Variants in C3orf20 observed in about 807,000 individuals in gnomAD.
The protein encoded by C3orf20 is uncharacterized protein C3orf20.
C3orf20 carries 76 observed loss-of-function variants against 88.3 expected under a neutral mutation model. That is an observed-to-expected ratio of 0.86 (90% CI 0.72 to 1.04). The LOEUF is 1.04. C3orf20 is among the 50% of genes least tolerant of loss of function. The pLI is 0.00. For missense variants in C3orf20, 1,056 were observed against 1,123.3 expected (o/e 0.94, Z 0.86); for synonymous variants, 436 against 437.4 (o/e 1.00, Z 0.04).
Position 14,689,996 on chromosome 3 carries a change from G to A in C3orf20, c.626-1G>A, listed in dbSNP as rs540775293. On this transcript the variant is annotated splice_acceptor_variant, in intron 4 of 16. Transcript: ENST00000253697. LOFTEE classifies it high-confidence loss of function. ...AAGAATCTCTCTCTCTCCCACTCCA[G>A]AGTCCCTCGCAAACATGTCCGCCAT... 6.2e-7 allele frequency: 1 copy of A among 1,614,182 alleles called. No homozygotes were observed. Among genetic ancestry groups the A allele is most frequent in the East Asian group, 2.2e-5 (1 of 44,882 alleles).
chr3:14,723,938 G>T (rs938200009), intron 10 of C3orf20, among the ~76,000 whole-genome samples: 2 of 151,990 alleles, frequency 1.3e-5, no homozygotes, highest in Non-Finnish European at 1.5e-5. Context: ...TGATTCTCAT[G>T]CCTTCAGACT....
intron 15 of C3orf20, among the ~76,000 whole-genome samples, chr3:14,770,362 T>C (rs1280141641): frequency 2.6e-5 from 4 of 152,186 alleles, no homozygotes; most frequent in African/African-American, 9.7e-5. Context: ...TTCTTGGTGT[T>C]TAGTTTTTCT....
intron 12 of C3orf20, among the ~76,000 whole-genome samples, chr3:14,736,435 C>T (rs1381847008): frequency 1.3e-5 from 2 of 151,984 alleles, no homozygotes; most frequent in Admixed American, 6.6e-5. Flanking sequence ...GGATTACAAG[C>T]GTGTGCCACC....
At chr3:14,759,856 G>A in intron 13 of C3orf20, 35 bp from the exon 14 acceptor site, 1 of 1,547,628 alleles carries the variant, frequency 6.5e-7, no homozygotes, top group Non-Finnish European at 8.9e-7. Context: ...TTATTGGCAT[G>A]GGGGTGACCA....
chr3:14,724,493 A>C (rs1246248157), intron 10 of C3orf20, among the ~76,000 whole-genome samples: 4 of 152,252 alleles, frequency 2.6e-5, no homozygotes, highest in Non-Finnish European at 5.9e-5. Flanking sequence ...AGCTGGAATT[A>C]GAAGTCTAGA....
Position 14,682,620 on chromosome 3 carries a change from C to A in C3orf20, c.-94C>A. The stretch of plus-strand genomic sequence containing the variant: ...ACCTGTAAGGGCCGTTTCAGCACAT[C>A]CATTCTGTCCATCTCCAAGCCTTCA... On this transcript the variant is annotated 5_prime_UTR_variant, in exon 3 of 17. Transcript: ENST00000253697. The A allele has an allele frequency of 1.4e-6, 2 of 1,477,046 alleles. No individual in the cohort carries two copies. The highest frequency in any genetic ancestry group is 1.8e-6 in the Non-Finnish European group (2 of 1,104,588). 91.5% of individuals were successfully genotyped at this position (1,477,046 alleles called of 1,614,324 possible). A position where few individuals can be genotyped will look rare whatever the true frequency, so the allele number is the denominator to read the frequency against.
rs116384132 is a variant in C3orf20 at position 14,693,838 on chromosome 3, G to A, written c.745+3722G>A. 9.2e-3 allele frequency among the ~76,000 whole-genome samples: 1,401 copies of A among 152,182 alleles called. 14 individuals carry two copies. Among genetic ancestry groups the A allele is most frequent in the African/African-American group, 0.032 (1,324 of 41,522 alleles). ...TATTAGGTATGAATCTGTCATATAT[G>A]GCTTTTACTATGTTAAAGCATATTC... On this transcript the variant is annotated intron_variant, in intron 5 of 16. Coordinates refer to ENST00000253697, the MANE Select transcript of C3orf20 (RefSeq NM_032137.5).
chr3:14,676,976 A>G (rs994164040), intron 1 of C3orf20, among the ~76,000 whole-genome samples: 3 of 152,182 alleles, frequency 2.0e-5, no homozygotes, highest in African/African-American at 7.2e-5. Flanking sequence ...AGTACAGAGA[A>G]CAGCATCTAT....
chr3:14,772,189 T>C lies in C3orf20; in HGVS notation c.2618T>C (p.Leu873Pro). 6.2e-7 allele frequency: 1 copy of C among 1,614,232 alleles called. No homozygotes were observed. Among genetic ancestry groups the C allele is most frequent in the South Asian group, 1.1e-5 (1 of 91,090 alleles). Residue 873 changes from leucine (L) to proline (P), a missense_variant, in exon 16 of 17, where the codon CTG becomes CCG. By Grantham distance (98) the Leu-to-Pro change is moderately conservative. Transcript: ENST00000253697. The surrounding 1 kb of genome is among the most constrained non-coding windows in gnomAD (Gnocchi z 4.2). ...GACTATGTGGAGAAGGAGTTATCTCTGGAGGCTGAGAAGTAGGTGACCACA... is the reference window on the plus strand; with the variant it reads ...GACTATGTGGAGAAGGAGTTATCTCCGGAGGCTGAGAAGTAGGTGACCACA... ...LEDYVEKELS[L>P]EAEKTREPEV...
intron 12 of C3orf20, among the ~76,000 whole-genome samples, chr3:14,743,157 T>C (rs565013293): frequency 6.6e-6 from 1 of 152,116 alleles, no homozygotes; most frequent in African/African-American, 2.4e-5. Context: ...CCCTTCCGCC[T>C]GTGAGCCTTT....
chr3:14,719,997 T>A (rs1217813125), intron 9 of C3orf20, among the ~76,000 whole-genome samples: 1 of 147,894 alleles, frequency 6.8e-6, no homozygotes, highest in Admixed American at 6.8e-5. Flanking sequence ...GAGGAGGGTT[T>A]TTTTTGTTTT....
rs1254911915 is a variant in C3orf20, at chr3:14,680,800, G to T, written c.-298-1370G>T. Among the ~76,000 whole-genome samples, 3 of 152,120 alleles carry T rather than the reference G, an allele frequency of 2.0e-5. No homozygotes were observed. In the East Asian group the frequency reaches 5.8e-4, roughly 29 times the overall value. ...TAGTTATCTCCTTCTTCTCATTTAA[G>T]TCCTGACTTAAAAAAAAATCTGCCC... On this transcript the variant is annotated intron_variant, in intron 1 of 16. Transcript: ENST00000253697.
chr3:14,732,641 G>A (rs1408670494), intron 12 of C3orf20, among the ~76,000 whole-genome samples: 1 of 152,118 alleles, frequency 6.6e-6, no homozygotes, highest in Non-Finnish European at 1.5e-5. Context: ...CTAGGGAGGG[G>A]GTGCTACTGC....
intron 8 of C3orf20, 33 bp downstream of exon 8, chr3:14,714,192 A>C: frequency 6.2e-7 from 1 of 1,609,600 alleles, no homozygotes; most frequent in South Asian, 1.1e-5. Context: ...AGTCACACGG[A>C]AGTACCTCTG....
rs112349531 is a variant in C3orf20, at chr3:14,742,661, T to C, written c.1940+13973T>C. On this transcript the variant is annotated intron_variant, in intron 12 of 16. Coordinates refer to ENST00000253697, the MANE Select transcript of C3orf20 (RefSeq NM_032137.5). ...TTTCTGTCAAATTGGTTGTATTAGT[T>C]CATTTTCATGCTGCTGATAAAGACA... Among the ~76,000 whole-genome samples the C allele has an allele frequency of 1.9e-3, 287 of 152,328 alleles. 1 individual carries two copies. The highest frequency in any genetic ancestry group is 3.3e-3 in the East Asian group (17 of 5,192).
rs778375589 is a variant in C3orf20, at chr3:14,703,181, T to A, written c.797T>A (p.Val266Glu). Residue 266 changes from valine (V) to glutamate (E), a missense_variant, in exon 6 of 17, where the codon GTG becomes GAG. Transcript: ENST00000253697. ...AGCATGCCGCCCCTGCATCGAGGAG[T>A]GGGAACCCCTGCCAACAGCCTGGAG... Reference protein sequence around the residue: ...DVSMPPLHRGVGTPANSLEFS... With the variant: ...DVSMPPLHRGEGTPANSLEFS... 6 of 1,614,018 alleles carry A rather than the reference T, an allele frequency of 3.7e-6. No individual in the cohort carries two copies. The highest frequency in any genetic ancestry group is 5.1e-6 in the Non-Finnish European group (6 of 1,180,000).
rs1463253269 is a variant in C3orf20 at position 14,701,455 on chromosome 3, T to C, written c.746-1675T>C. ...GTAGGTAGGACCTGACACAAATGAC[T>C]AAATAGATGCCCCTGGAACCTAGGG... On this transcript the variant is annotated intron_variant, in intron 5 of 16. Transcript: ENST00000253697. This position sits in a 1 kb window ranked among gnomAD's most constrained non-coding sequence, Gnocchi z 4.6. Among the ~76,000 whole-genome samples the C allele has an allele frequency of 7.8e-6, 1 of 128,242 alleles. No homozygotes were observed. The highest frequency in any genetic ancestry group is 1.7e-5 in the Non-Finnish European group (1 of 59,754). 84.1% of individuals were successfully genotyped at this position (128,242 alleles called of 152,430 possible).
At chr3:14,755,767 C>CAG (rs1450494614) in intron 12 of C3orf20, among the ~76,000 whole-genome samples, 1 of 152,176 alleles carries the variant, frequency 6.6e-6, no homozygotes, top group Non-Finnish European at 1.5e-5. Context: ...CGGCGGCTCA[C>CAG]GCCTGTAATC....
At chr3:14,678,683 C>T (rs191555314) in intron 1 of C3orf20, among the ~76,000 whole-genome samples, 31 of 152,264 alleles carry the variant, frequency 2.0e-4, no homozygotes, top group Admixed American at 1.9e-3. Flanking sequence ...TAGCCATCTG[C>T]GTGGGTCCCT....
Sources: allele counts gnomAD v4.1 joint callset (sites outside exome capture counted in the v4.1 genomes callset), GRCh38; gene constraint gnomAD v4.1.1; non-coding constraint Gnocchi (gnomAD v3.1); transcripts MANE v1.5; gene names NCBI Gene and HGNC (gene_info 2026-07-23, HGNC 2026-07-21).